DLC1: variants seen among roughly 807,000 people sequenced by gnomAD.
The protein encoded by DLC1 is rho GTPase-activating protein 7.
A neutral mutation model predicts 140.3 loss-of-function variants in DLC1; 54 were observed. The ratio of observed to expected loss-of-function variants is 0.38; its 90% CI spans 0.31 to 0.48. DLC1 has a LOEUF of 0.48. Among genes scored for constraint, DLC1 ranks in the 20% least tolerant of loss-of-function variants. The pLI, the probability that DLC1 is intolerant of heterozygous loss-of-function variation, is 0.96. For missense variants in DLC1, 2,536 were observed against 1,907.0 expected, an observed-to-expected ratio of 1.33 and a Z score of -6.14; for synonymous variants, 986 against 728.1, an observed-to-expected ratio of 1.35 and a Z score of -5.70.
chr8:13,085,665 G>A lies in DLC1; in HGVS notation c.*146C>T, dbSNP rs879203952. The A allele has an allele frequency of 5.7e-6, 7 of 1,233,340 alleles. No individual in the cohort carries two copies. Among genetic ancestry groups the A allele is most frequent in the South Asian group, 1.7e-5 (1 of 59,022 alleles). The allele number at this position is 1,233,340 out of a possible 1,614,324, so 76.4% of individuals were successfully genotyped here. A position where few individuals can be genotyped will look rare whatever the true frequency, so the allele number is the denominator to read the frequency against. On this transcript the variant is annotated 3_prime_UTR_variant, in exon 18 of 18. Coordinates refer to ENST00000276297, the MANE Select transcript of DLC1 (RefSeq NM_182643.3). ...ACAAACAGGAAGCAGCTTTAAAAATGTATCAAATTGCTATAGTCAATTCCT... is the reference window on the plus strand; with the variant it reads ...ACAAACAGGAAGCAGCTTTAAAAATATATCAAATTGCTATAGTCAATTCCT...
chr8:13,537,648 C>CTTTTTTTTTTT (rs3066420), intron 1 of DLC1, among the ~76,000 whole-genome samples: 3 of 90,346 alleles, frequency 3.3e-5, no homozygotes, highest in African/African-American at 1.4e-4. Flanking sequence ...ACAGCTAACT[C>CTTTTTTTTTTT]TTTTTTTTTT....
chr8:13,214,723 G>T, intron 5 of DLC1: 1 of 780,912 alleles, frequency 1.3e-6, no homozygotes, highest in Non-Finnish European at 2.4e-6. Context: ...GGAAAAATTG[G>T]ATCCCTTTGT....
intron 4 of DLC1, among the ~76,000 whole-genome samples, chr8:13,307,627 C>G (rs1409998894): frequency 1.3e-5 from 2 of 152,070 alleles, no homozygotes; most frequent in African/African-American, 4.8e-5. Flanking sequence ...TTTCTTTTTT[C>G]AACAAGACTG....
chr8:13,547,599 G>C (rs1304386180), intron 1 of DLC1, among the ~76,000 whole-genome samples: 1 of 152,030 alleles, frequency 6.6e-6, no homozygotes, highest in Non-Finnish European at 1.5e-5. Flanking sequence ...TATGGGTTTT[G>C]CCTCTGTCGG....
intron 5 of DLC1, among the ~76,000 whole-genome samples, chr8:13,296,436 G>C (rs1186674847): frequency 6.6e-6 from 1 of 152,084 alleles, no homozygotes; most frequent in Non-Finnish European, 1.5e-5. Flanking sequence ...GGCCCATACT[G>C]GCAGTTCACA....
chr8:13,146,591 C>T (rs73663610), intron 5 of DLC1, among the ~76,000 whole-genome samples: 1,720 of 151,968 alleles, frequency 0.011, 29 homozygotes, highest in African/African-American at 0.039. Context: ...GGAATAGCTA[C>T]TTTCCAATAT....
intron 5 of DLC1, among the ~76,000 whole-genome samples, chr8:13,295,317 G>A (rs1490987782): frequency 6.6e-6 from 1 of 152,218 alleles, no homozygotes; most frequent in Non-Finnish European, 1.5e-5. Context: ...CCTACTATGT[G>A]TGCATCAGCA....
At chr8:13,204,923 C>T (rs1827579008) in intron 5 of DLC1, among the ~76,000 whole-genome samples, 2 of 152,284 alleles carry the variant, frequency 1.3e-5, no homozygotes, top group South Asian at 4.2e-4. Flanking sequence ...GGTACAAGCA[C>T]CTGTCTTACA....
intron 5 of DLC1, among the ~76,000 whole-genome samples, chr8:13,194,609 A>G (rs551309505): frequency 1.2e-4 from 19 of 152,350 alleles, no homozygotes; most frequent in African/African-American, 4.1e-4. Context: ...TGGCAAAAGC[A>G]CAAGGACTCC....
intron 1 of DLC1, chr8:13,536,242 C>G (rs1240811443): frequency 3.9e-5 from 6 of 152,112 alleles, no homozygotes; most frequent in Non-Finnish European, 8.8e-5. Context: ...AAGGTCTGAT[C>G]CGATTCCACG....
intron 5 of DLC1, among the ~76,000 whole-genome samples, chr8:13,190,517 G>A (rs1226239428): frequency 2.6e-5 from 4 of 152,158 alleles, no homozygotes; most frequent in Admixed American, 2.6e-4. Context: ...GGGTTTTAGT[G>A]ATTGCTGAAA....
intron 2 of DLC1, among the ~76,000 whole-genome samples, chr8:13,471,180 G>C (rs1174857181): frequency 6.6e-6 from 1 of 151,790 alleles, no homozygotes; most frequent in Non-Finnish European, 1.5e-5. Flanking sequence ...TGATCAAGGG[G>C]TACAAAGTTT....
Position 13,099,711 on chromosome 8 carries a change from G to A in DLC1, c.2626C>T (p.Leu876=). Residue 876 remains leucine, a synonymous_variant, in exon 9 of 18, where the codon CTG becomes TTG. Coordinates refer to ENST00000276297, the MANE Select transcript of DLC1 (RefSeq NM_182643.3). The part of the protein sequence containing the change: ...RNSSSSMSSR[L]SIYDNVPGSI... ...CCCGGCACGTTGTCGTAGATGCTCA[G>A]GCGGCTGCTCATGGAGCTGGAAGAA... 1.2e-6 allele frequency: 2 copies of A among 1,614,166 alleles called. No homozygotes were observed. Among genetic ancestry groups the A allele is most frequent in the Non-Finnish European group, 1.7e-6 (2 of 1,180,020 alleles).
chr8:13,378,456 C>G (rs1836097491), intron 4 of DLC1, among the ~76,000 whole-genome samples: 1 of 151,304 alleles, frequency 6.6e-6, no homozygotes, highest in East Asian at 2.0e-4. Context: ...TAGAGTTTTC[C>G]CTAAAATATC....
At chr8:13,347,335 A>G (rs1426666498) in intron 4 of DLC1, among the ~76,000 whole-genome samples, 3 of 152,212 alleles carry the variant, frequency 2.0e-5, no homozygotes, top group South Asian at 2.1e-4. Context: ...ATAAAGTTTT[A>G]TCTACATTTC....
intron 5 of DLC1, among the ~76,000 whole-genome samples, chr8:13,201,483 C>A (rs569278458): frequency 3.4e-4 from 51 of 152,098 alleles, no homozygotes; most frequent in Middle Eastern, 6.8e-3. Flanking sequence ...TTTAAGAAGG[C>A]AGTATTGAAC....
chr8:13,228,197 T>G (rs955109199), intron 5 of DLC1, among the ~76,000 whole-genome samples: 2 of 152,090 alleles, frequency 1.3e-5, no homozygotes, highest in African/African-American at 4.8e-5. Flanking sequence ...GGGGATTTTT[T>G]GGGGGGATTT....
chr8:13,407,900 T>C (rs990977389), intron 2 of DLC1, among the ~76,000 whole-genome samples: 10 of 152,222 alleles, frequency 6.6e-5, no homozygotes, highest in African/African-American at 2.4e-4. Context: ...CATATTAGCA[T>C]TATATGTTTC....
chr8:13,289,327 A>G (rs1831666043), intron 5 of DLC1, among the ~76,000 whole-genome samples: 1 of 152,090 alleles, frequency 6.6e-6, no homozygotes, highest in Non-Finnish European at 1.5e-5. Flanking sequence ...AGTAGCTAGG[A>G]CTACAGGGGT....
Sources: allele counts gnomAD v4.1 joint callset (sites outside exome capture counted in the v4.1 genomes callset), GRCh38; gene constraint gnomAD v4.1.1; transcripts MANE v1.5; gene names NCBI Gene and HGNC (gene_info 2026-07-23, HGNC 2026-07-21).